The following CNTNAP2 variants were observed in gnomAD, a reference collection of about 807,000 sequenced individuals.
CNTNAP2 encodes contactin associated protein 2, also known as contactin-associated protein-like 2.
A neutral mutation model predicts 155.2 loss-of-function variants in CNTNAP2; 98 were observed. The observed-to-expected ratio is 0.63, with a 90% confidence interval of 0.54 to 0.75. The LOEUF is 0.75. CNTNAP2 is among the 30% of genes least tolerant of loss of function. The pLI is 0.00. For missense variants in CNTNAP2, 1,727 were observed against 1,688.1 expected, an observed-to-expected ratio of 1.02 and a Z score of -0.40; for synonymous variants, 651 against 631.2, an observed-to-expected ratio of 1.03 and a Z score of -0.47.
chr7:146,250,807 C>T (rs949841254), intron 1 of CNTNAP2, among the ~76,000 whole-genome samples: 1 of 152,066 alleles, frequency 6.6e-6, no homozygotes, highest in Non-Finnish European at 1.5e-5. Context: ...AATTAGGAGT[C>T]ATTGTATTCA....
intron 3 of CNTNAP2, among the ~76,000 whole-genome samples, chr7:146,857,356 G>A (rs148619774): frequency 1.0e-3 from 153 of 152,220 alleles, no homozygotes; most frequent in African/African-American, 3.5e-3. Context: ...CAAAAGAAAA[G>A]TTAAACAGAT....
intron 10 of CNTNAP2, among the ~76,000 whole-genome samples, chr7:147,481,964 A>G (rs952908379): frequency 2.0e-5 from 3 of 152,182 alleles, no homozygotes; most frequent in South Asian, 2.1e-4. Flanking sequence ...CAAATAATCT[A>G]TATTTCTCAC....
At chr7:147,094,486 C>T (rs1038389019) in intron 4 of CNTNAP2, among the ~76,000 whole-genome samples, 6 of 150,214 alleles carry the variant, frequency 4.0e-5, no homozygotes, top group Admixed American at 2.0e-4. Flanking sequence ...ACTGCAAGCT[C>T]CGCCTCCTGG....
At chr7:146,860,761 G>T (rs10272150) in intron 3 of CNTNAP2, among the ~76,000 whole-genome samples, 262 of 151,300 alleles carry the variant, frequency 1.7e-3, no homozygotes, top group African/African-American at 6.0e-3. Context: ...AAAAAAAAAC[G>T]CATTATTGAC....
chr7:146,800,318 C>A (rs1358028528), intron 2 of CNTNAP2, among the ~76,000 whole-genome samples: 1 of 152,166 alleles, frequency 6.6e-6, no homozygotes, highest in African/African-American at 2.4e-5. Flanking sequence ...GCTATACCCA[C>A]TGCTGTAGAT....
rs1486860338 is a variant in CNTNAP2, at chr7:147,483,451, G to A, written c.1671-2484G>A. ...CTCACTTGATGGATATATCCTTTTT[G>A]CATGCGTGTAAGAACACAGTAATCT... On this transcript the variant is annotated intron_variant, in intron 10 of 23. Coordinates refer to ENST00000361727, the MANE Select transcript of CNTNAP2 (RefSeq NM_014141.6). Among the ~76,000 whole-genome samples the A allele has an allele frequency of 2.0e-5, 3 of 152,010 alleles. No individual in the cohort carries two copies. In the East Asian group the frequency reaches 5.8e-4, roughly 29 times the overall value.
At position 146,726,134 on chromosome 7, in the gene CNTNAP2, TTTTAACA is replaced by T. The variant is rs543433262; in HGVS notation, c.98-48131_98-48125del. Among the ~76,000 whole-genome samples the T allele has an allele frequency of 4.5e-3, 679 of 152,298 alleles. 4 individuals are homozygous for T. The highest frequency in any genetic ancestry group is 0.016 in the African/African-American group (645 of 41,564). The stretch of plus-strand genomic sequence containing the variant: ...TACATTTTATATTAATAGGCATCTT[TTTTAACA>T]TTTAAGGTATTCTCTACAGTGTATC... On this transcript the variant is annotated intron_variant, in intron 1 of 23. Coordinates refer to ENST00000361727, the MANE Select transcript of CNTNAP2 (RefSeq NM_014141.6).
chr7:147,242,966 G>C (rs1227233291), intron 8 of CNTNAP2, among the ~76,000 whole-genome samples: 1 of 97,404 alleles, frequency 1.0e-5, no homozygotes, highest in African/African-American at 4.1e-5. Context: ...ATTGAATGTT[G>C]TATTCCACAC....
chr7:146,425,931 A>G (rs1421011935), intron 1 of CNTNAP2, among the ~76,000 whole-genome samples: 1 of 152,088 alleles, frequency 6.6e-6, no homozygotes. Context: ...CATGCCTATA[A>G]TCCCAGCACT....
intron 1 of CNTNAP2, among the ~76,000 whole-genome samples, chr7:146,338,413 T>C (rs1801316154): frequency 6.6e-6 from 1 of 152,164 alleles, no homozygotes; most frequent in African/African-American, 2.4e-5. Context: ...TAAAGAGTGA[T>C]TATTCTGATG....
At chr7:146,843,020 TTTTG>T (rs1803768863) in intron 3 of CNTNAP2, among the ~76,000 whole-genome samples, 1 of 99,502 alleles carries the variant, frequency 1.0e-5, no homozygotes, top group African/African-American at 5.1e-5. Context: ...TTTTTTTTTT[TTTTG>T]AGACGGAGTC....
At chr7:146,691,164 T>C (rs1477787607) in intron 1 of CNTNAP2, among the ~76,000 whole-genome samples, 2 of 151,608 alleles carry the variant, frequency 1.3e-5, no homozygotes, top group Non-Finnish European at 3.0e-5. Context: ...AATATTTCCA[T>C]TGGGTAATCA....
rs72247117 is a variant in CNTNAP2, at chr7:146,856,261, T to TATAGATAGATAG, written c.402+16385_402+16396dup. 4.8e-3 allele frequency among the ~76,000 whole-genome samples: 651 copies of TATAGATAGATAG among 135,230 alleles called. 4 individuals carry two copies. The highest frequency in any genetic ancestry group is 0.011 in the East Asian group (45 of 4,284). The allele number at this position is 135,230 out of a possible 152,430, so 88.7% of individuals were successfully genotyped here. ...GACAGACAGATAGATAGATGATAGA[T>TATAGATAGATAG]ATAGATAGATAGATAGATAGATAGA... On this transcript the variant is annotated intron_variant, in intron 3 of 23. Transcript: ENST00000361727.
intron 13 of CNTNAP2, among the ~76,000 whole-genome samples, chr7:147,786,415 A>G (rs1376473617): frequency 6.6e-6 from 1 of 152,190 alleles, no homozygotes; most frequent in Non-Finnish European, 1.5e-5. Flanking sequence ...GACTGAGAGG[A>G]TGATGTGCCG....
intron 3 of CNTNAP2, among the ~76,000 whole-genome samples, chr7:146,843,278 CT>C (rs1392514323): frequency 6.7e-6 from 1 of 149,736 alleles, no homozygotes; most frequent in African/African-American, 2.5e-5. Context: ...TCCCAAAGTG[CT>C]GGGATTACAG....
intron 4 of CNTNAP2, among the ~76,000 whole-genome samples, chr7:147,072,708 G>A (rs565741313): frequency 6.6e-6 from 1 of 152,196 alleles, no homozygotes; most frequent in South Asian, 2.1e-4. Flanking sequence ...GGTTTTACCT[G>A]GTATTGGGCA....
chr7:147,502,574 T>A (rs1206585387), intron 11 of CNTNAP2, among the ~76,000 whole-genome samples: 2 of 152,156 alleles, frequency 1.3e-5, no homozygotes, highest in Admixed American at 6.5e-5. Context: ...GGAGCTAATA[T>A]ACAACATGGT....
chr7:146,293,611 T>A (rs1047751481), intron 1 of CNTNAP2, among the ~76,000 whole-genome samples: 4 of 152,170 alleles, frequency 2.6e-5, no homozygotes, highest in African/African-American at 9.6e-5. Flanking sequence ...AGACAGTAAC[T>A]TTGAGTCTAT....
At chr7:148,035,746 C>T (rs1258250613) in intron 15 of CNTNAP2, among the ~76,000 whole-genome samples, 1 of 152,136 alleles carries the variant, frequency 6.6e-6, no homozygotes, top group African/African-American at 2.4e-5. Context: ...TGACCCCAGA[C>T]CTATAGAGCT....
Sources: allele counts gnomAD v4.1 joint callset (sites outside exome capture counted in the v4.1 genomes callset), GRCh38; gene constraint gnomAD v4.1.1; transcripts MANE v1.5; gene names NCBI Gene and HGNC (gene_info 2026-07-23, HGNC 2026-07-21).